Variants in PEX3 observed in about 807,000 individuals in gnomAD.
PEX3 encodes peroxisomal biogenesis factor 3.
In PEX3, 30 loss-of-function variants were observed where a neutral mutation model predicts 55.8. The ratio of observed to expected loss-of-function variants is 0.54; its 90% CI spans 0.40 to 0.73. PEX3 has a LOEUF of 0.73. PEX3 is among the 30% of genes least tolerant of loss of function. PEX3 has a pLI of 0.00. For missense variants in PEX3, 351 were observed against 432.8 expected (o/e 0.81, Z 1.68); for synonymous variants, 135 against 148.4 (o/e 0.91, Z 0.66).
intron 10 of PEX3, chr6:143,484,830 ACAAT>A (rs1283406703): frequency 9.3e-6 from 3 of 322,664 alleles, no homozygotes; most frequent in Non-Finnish European, 1.8e-5. Context: ...TCATTAAAAA[ACAAT>A]CAGACAAACA....
At chr6:143,474,394 G>A (rs1307937174) in intron 8 of PEX3, among the ~76,000 whole-genome samples, 1 of 151,708 alleles carries the variant, frequency 6.6e-6, no homozygotes, top group Non-Finnish European at 1.5e-5. Context: ...CGGAGGCAGA[G>A]GTTTCAGGGA....
Position 143,483,266 on chromosome 6 carries a change from A to G in PEX3, c.942-1886A>G, listed in dbSNP as rs1175108804. Among the ~76,000 whole-genome samples the G allele has an allele frequency of 1.3e-5, 2 of 152,212 alleles. No homozygotes were observed. Among genetic ancestry groups the G allele is most frequent in the African/African-American group, 2.4e-5 (1 of 41,444 alleles). ...GGTTTCTGTTCCCATAGATCTTACA[A>G]TCTAATTGGGGAAATAGTAAATATA... On this transcript the variant is annotated intron_variant, in intron 10 of 11. Coordinates refer to ENST00000367591, the MANE Select transcript of PEX3 (RefSeq NM_003630.3). This position sits in a 1 kb window ranked among gnomAD's most constrained non-coding sequence, Gnocchi z 4.3.
chr6:143,485,369 G>A lies in PEX3; in HGVS notation c.1038+121G>A. The A allele has an allele frequency of 1.4e-6, 1 of 719,504 alleles. No individual in the cohort carries two copies. The highest frequency in any genetic ancestry group is 1.9e-5 in the Admixed American group (1 of 51,766). The allele number at this position is 719,504 out of a possible 1,614,324, so 44.6% of individuals were successfully genotyped here. On this transcript the variant is annotated intron_variant, in intron 11 of 11. Coordinates refer to ENST00000367591, the MANE Select transcript of PEX3 (RefSeq NM_003630.3). The surrounding 1 kb of genome is among the most constrained non-coding windows in gnomAD (Gnocchi z 5.6). ...TTTTTTCAAAAAATCACAGAACTTG[G>A]AACTACATGTAGAGTATGGTAGAGT...
chr6:143,452,493 ACTC>A (rs1461028914), intron 1 of PEX3, among the ~76,000 whole-genome samples: 6 of 152,288 alleles, frequency 3.9e-5, no homozygotes, highest in African/African-American at 9.6e-5. Context: ...CAGAAGGAAT[ACTC>A]CTTCAGCTTA....
chr6:143,461,357 C>T (rs1401653990), intron 2 of PEX3, among the ~76,000 whole-genome samples: 1 of 152,054 alleles, frequency 6.6e-6, no homozygotes, highest in Non-Finnish European at 1.5e-5. Context: ...AGGGGTCACA[C>T]GTTTCCATGA....
chr6:143,489,280 G>A lies in PEX3; in HGVS notation c.*54G>A. 1 of 937,256 alleles carries A rather than the reference G, an allele frequency of 1.1e-6. No homozygotes were observed. The highest frequency in any genetic ancestry group is 1.8e-6 in the Non-Finnish European group (1 of 563,630). 58.1% of individuals were successfully genotyped at this position (937,256 alleles called of 1,614,324 possible). ...ATTCATTTACTTTTTAAAATACACT[G>A]GGTAAATCACCTATACTTAGAGTAA... On this transcript the variant is annotated 3_prime_UTR_variant, in exon 12 of 12. Coordinates refer to ENST00000367591, the MANE Select transcript of PEX3 (RefSeq NM_003630.3). This position sits in a 1 kb window ranked among gnomAD's most constrained non-coding sequence, Gnocchi z 5.5.
rs1198931750 is a variant in PEX3, at chr6:143,489,732, A to G, written c.*506A>G. 1 of 152,028 alleles carries G rather than the reference A, an allele frequency of 6.6e-6. No homozygotes were observed. Among genetic ancestry groups the G allele is most frequent in the African/African-American group, 2.4e-5 (1 of 41,412 alleles). The allele number at this position is 152,028 out of a possible 1,614,324, so 9.4% of individuals were successfully genotyped here. The stretch of plus-strand genomic sequence containing the variant: ...TCAAAATAATAAATTATTTGTCTCA[A>G]ATATACCTTGATGGAGGACTTTTTT... On this transcript the variant is annotated 3_prime_UTR_variant, in exon 12 of 12. Coordinates refer to ENST00000367591, the MANE Select transcript of PEX3 (RefSeq NM_003630.3). This position sits in a 1 kb window ranked among gnomAD's most constrained non-coding sequence, Gnocchi z 5.5.
chr6:143,471,039 G>A lies in PEX3; in HGVS notation c.410G>A (p.Gly137Asp). 6.2e-7 allele frequency: 1 copy of A among 1,612,820 alleles called. No homozygotes were observed. Among genetic ancestry groups the A allele is most frequent in the Non-Finnish European group, 8.5e-7 (1 of 1,178,958 alleles). Residue 137 changes from glycine (G) to aspartate (D), a missense_variant, in exon 5 of 12, where the codon GGT becomes GAT. Physicochemically the swap from Gly to Asp is moderately conservative, Grantham distance 94. Coordinates refer to ENST00000367591, the MANE Select transcript of PEX3 (RefSeq NM_003630.3). This position sits in a 1 kb window ranked among gnomAD's most constrained non-coding sequence, Gnocchi z 5.4. Reference sequence around the variant, plus strand: ...TTGCGGGTCCAGTTAAACATAATTGGTGGATATATTTACCTGGATAATGCA... The same window carrying A: ...TTGCGGGTCCAGTTAAACATAATTGATGGATATATTTACCTGGATAATGCA... ...VLLRVQLNII[G>D]GYIYLDNAAV...
rs367803197 is a variant in PEX3, at chr6:143,451,093, C to A, written c.51C>A (p.Ile17=). Residue 17 remains isoleucine, a synonymous_variant, in exon 1 of 12, where the codon ATC becomes ATA. Coordinates refer to ENST00000367591, the MANE Select transcript of PEX3 (RefSeq NM_003630.3). This position sits in a 1 kb window ranked among gnomAD's most constrained non-coding sequence, Gnocchi z 4.1. The part of the protein sequence containing the change: ...NFLKRHKKKC[I]FLGTVLGGVY... ...TGAAACGCCACAAAAAGAAATGCAT[C>A]TTCCTGGGCACGGTCCTTGGAGGTG... 5 of 1,613,346 alleles carry A rather than the reference C, an allele frequency of 3.1e-6. No individual in the cohort carries two copies. In the South Asian group the frequency reaches 5.5e-5, roughly 18 times the overall value.
chr6:143,475,583 G>A lies in PEX3; in HGVS notation c.818+727G>A, dbSNP rs1393770666. Among the ~76,000 whole-genome samples the A allele has an allele frequency of 6.6e-6, 1 of 152,208 alleles. No homozygotes were observed. Among genetic ancestry groups the A allele is most frequent in the Non-Finnish European group, 1.5e-5 (1 of 68,038 alleles). On this transcript the variant is annotated intron_variant, in intron 9 of 11. Transcript: ENST00000367591. The surrounding 1 kb of genome is among the most constrained non-coding windows in gnomAD (Gnocchi z 4.4). ...TGGAAGGATCACCTGAGCCCTGGCA[G>A]GTTGAGGCTATGGTGAGCCGTGATT...
In PEX3 at chr6:143,451,431, TA is replaced by T. The variant is rs781623065; in HGVS notation, c.73+324del. Among the ~76,000 whole-genome samples the T allele has an allele frequency of 6.6e-6, 1 of 152,080 alleles. No homozygotes were observed. The highest frequency in any genetic ancestry group is 2.4e-5 in the African/African-American group (1 of 41,406). On this transcript the variant is annotated intron_variant, in intron 1 of 11. Transcript: ENST00000367591. The surrounding 1 kb of genome is among the most constrained non-coding windows in gnomAD (Gnocchi z 4.1). ...GCACCATTCTCTTACAGGAACTTTT[TA>T]AAAAAAATTCTGCTTTCCTGTGAGA...
In PEX3 at chr6:143,465,469, C is replaced by T. The variant is rs1039353061; in HGVS notation, c.287+2472C>T. Among the ~76,000 whole-genome samples the T allele has an allele frequency of 2.6e-5, 4 of 151,842 alleles. No individual in the cohort carries two copies. Among genetic ancestry groups the T allele is most frequent in the Non-Finnish European group, 5.9e-5 (4 of 67,872 alleles). The stretch of plus-strand genomic sequence containing the variant: ...TTAGATAGAGTCTTACTCTGTCGCC[C>T]AAGCTGGAGTACAGTGGCACAATCA... On this transcript the variant is annotated intron_variant, in intron 3 of 11. Coordinates refer to ENST00000367591, the MANE Select transcript of PEX3 (RefSeq NM_003630.3). This position sits in a 1 kb window ranked among gnomAD's most constrained non-coding sequence, Gnocchi z 4.7.
intron 9 of PEX3, 55 bp downstream of exon 9, chr6:143,474,911 G>A (rs541916203): frequency 1.1e-6 from 1 of 940,732 alleles, no homozygotes; most frequent in East Asian, 2.4e-5. Context: ...ATGTACTTGA[G>A]ACTATTTTTT....
chr6:143,481,148 TTATATA>T (rs72384031), intron 10 of PEX3, among the ~76,000 whole-genome samples: 25,474 of 146,240 alleles, frequency 0.17, 2,579 homozygotes, highest in East Asian at 0.33. Context: ...AGGCTTTAAT[TTATATA>T]TATATATATA....
In PEX3 at chr6:143,487,832, C is replaced by A. The variant is rs1381136146; in HGVS notation, c.1039-1311C>A. Among the ~76,000 whole-genome samples, 1 of 151,906 alleles carries A rather than the reference C, an allele frequency of 6.6e-6. No individual in the cohort carries two copies. ...AGATTTTCTGCCTCTGTTCTTCTCTCATTAGCACAAGACAGTTAAAGTAAT... is the reference window on the plus strand; with the variant it reads ...AGATTTTCTGCCTCTGTTCTTCTCTAATTAGCACAAGACAGTTAAAGTAAT... On this transcript the variant is annotated intron_variant, in intron 11 of 11. Transcript: ENST00000367591. This position sits in a 1 kb window ranked among gnomAD's most constrained non-coding sequence, Gnocchi z 5.3.
In PEX3 at chr6:143,454,682, T is replaced by C. The variant is rs1376436402; in HGVS notation, c.73+3567T>C. Among the ~76,000 whole-genome samples the C allele has an allele frequency of 2.0e-5, 3 of 152,166 alleles. No individual in the cohort carries two copies. Among genetic ancestry groups the C allele is most frequent in the Non-Finnish European group, 2.9e-5 (2 of 68,026 alleles). ...TATAGTACAAAAATAGAGCAGGGTGTTGTGGGAGCATTGATGAGAAGAAAG... is the reference window on the plus strand; with the variant it reads ...TATAGTACAAAAATAGAGCAGGGTGCTGTGGGAGCATTGATGAGAAGAAAG... On this transcript the variant is annotated intron_variant, in intron 1 of 11. Coordinates refer to ENST00000367591, the MANE Select transcript of PEX3 (RefSeq NM_003630.3). The surrounding 1 kb of genome is among the most constrained non-coding windows in gnomAD (Gnocchi z 4.3).
rs1780150489 is a variant in PEX3 at position 143,476,097 on chromosome 6, T to C, written c.818+1241T>C. On this transcript the variant is annotated intron_variant, in intron 9 of 11. Coordinates refer to ENST00000367591, the MANE Select transcript of PEX3 (RefSeq NM_003630.3). This position sits in a 1 kb window ranked among gnomAD's most constrained non-coding sequence, Gnocchi z 5.4. ...GAGTGACCAGGGATGCTGTTTGTAA[T>C]AGGTTGGTCAGAAAAGGCCTCTTTG... is the stretch of plus-strand genomic sequence containing the variant. 6.6e-6 allele frequency among the ~76,000 whole-genome samples: 1 copy of C among 152,208 alleles called. No homozygotes were observed. Among genetic ancestry groups the C allele is most frequent in the East Asian group, 1.9e-4 (1 of 5,200 alleles).
intron 8 of PEX3, among the ~76,000 whole-genome samples, chr6:143,473,647 T>G (rs1780106133): frequency 6.6e-6 from 1 of 152,122 alleles, no homozygotes; most frequent in Non-Finnish European, 1.5e-5. Context: ...GAGGATCACT[T>G]GGGTCCAGGA....
chr6:143,452,827 G>T (rs1363532993), intron 1 of PEX3, among the ~76,000 whole-genome samples: 3 of 152,140 alleles, frequency 2.0e-5, no homozygotes, highest in Non-Finnish European at 4.4e-5. Context: ...CCTATCAAGT[G>T]CCTGTAATGC....
Sources: allele counts gnomAD v4.1 joint callset (sites outside exome capture counted in the v4.1 genomes callset), GRCh38; gene constraint gnomAD v4.1.1; non-coding constraint Gnocchi (gnomAD v3.1); transcripts MANE v1.5; gene names NCBI Gene and HGNC (gene_info 2026-07-23, HGNC 2026-07-21).